The following KCNJ11 variants were observed in gnomAD, a reference collection of about 807,000 sequenced individuals.
KCNJ11 encodes the protein potassium inwardly rectifying channel subfamily J member 11, also known as ATP-sensitive inward rectifier potassium channel 11.
A neutral mutation model predicts 17.3 loss-of-function variants in KCNJ11; 12 were observed. That is an observed-to-expected ratio of 0.69 (90% CI 0.44 to 1.12). The LOEUF (loss-of-function observed/expected upper bound fraction) is 1.12, where lower values mean the gene tolerates loss of function less well. KCNJ11 is among the 50% of genes most tolerant of loss of function. KCNJ11 has a pLI of 0.00. For missense variants in KCNJ11, 386 were observed against 554.1 expected (o/e 0.70, Z 3.05); for synonymous variants, 211 against 223.4 (o/e 0.94, Z 0.50).
At position 17,387,043 on chromosome 11, in the gene KCNJ11, T is replaced by G; in HGVS notation, c.1049A>C (p.Asp350Ala). 1 of 1,614,222 alleles carries G rather than the reference T, an allele frequency of 6.2e-7. No homozygotes were observed. Among genetic ancestry groups the G allele is most frequent in the Non-Finnish European group, 8.5e-7 (1 of 1,180,028 alleles). Residue 350 changes from aspartate to alanine, a missense_variant, in exon 1 of 1, where the codon GAT becomes GCT. Physicochemically the swap from Asp to Ala is moderately radical, Grantham distance 126. Transcript: ENST00000339994. Reference protein sequence around the residue: ...PTPLCTARQLDEDHSLLEALT... With the variant: ...PTPLCTARQLAEDHSLLEALT... Reference sequence around the variant, plus strand: ...AGCTTCCAGTAGGCTGTGGTCCTCATCAAGCTGGCGGGCCGTGCAGAGTGG... The same window carrying G: ...AGCTTCCAGTAGGCTGTGGTCCTCAGCAAGCTGGCGGGCCGTGCAGAGTGG...
Position 17,386,611 on chromosome 11 carries a change from G to T in KCNJ11, c.*308C>A. 3.0e-6 allele frequency: 1 copy of T among 331,630 alleles called. No individual in the cohort carries two copies. Among genetic ancestry groups the T allele is most frequent in the Non-Finnish European group, 5.6e-6 (1 of 179,874 alleles). 20.5% of individuals were successfully genotyped at this position (331,630 alleles called of 1,614,324 possible). A position where few individuals can be genotyped will look rare whatever the true frequency, so the allele number is the denominator to read the frequency against. On this transcript the variant is annotated 3_prime_UTR_variant, in exon 1 of 1. Transcript: ENST00000339994. Reference sequence around the variant, plus strand: ...CCCAGAGTGTGGCTGGTCAATCGTGGGGACCCAGGACTGGCTGGACGCACA... The same window carrying T: ...CCCAGAGTGTGGCTGGTCAATCGTGTGGACCCAGGACTGGCTGGACGCACA...
In KCNJ11 at chr11:17,387,237, G is replaced by A. The variant is rs1953575340; in HGVS notation, c.855C>T (p.Val285=). 6.2e-7 allele frequency: 1 copy of A among 1,614,120 alleles called. No homozygotes were observed. Among genetic ancestry groups the A allele is most frequent in the African/African-American group, 1.3e-5 (1 of 74,940 alleles). The part of the protein sequence containing the change: ...LHHHQDLEII[V]ILEGVVETTG... ...TGGTTTCCACCACGCCTTCCAGGAT[G>A]ACGATGATCTCGAGGTCCTGGTGGT... Residue 285 remains valine (V), a synonymous_variant, in exon 1 of 1, where the codon GTC becomes GTT. Transcript: ENST00000339994.
In KCNJ11 at chr11:17,387,248, C is replaced by T. The variant is rs267607196; in HGVS notation, c.844G>A (p.Glu282Lys). The change falls in exon 1 of 1, where the codon GAG (glutamate) becomes AAG (lysine). Residue 282 changes from glutamate to lysine, a missense_variant. Glu to Lys is a moderately conservative substitution (Grantham distance 56). Coordinates refer to ENST00000339994, the MANE Select transcript of KCNJ11 (RefSeq NM_000525.4). Reference sequence around the variant, plus strand: ...ACGCCTTCCAGGATGACGATGATCTCGAGGTCCTGGTGGTGGTGCAGGTCG... The same window carrying T: ...ACGCCTTCCAGGATGACGATGATCTTGAGGTCCTGGTGGTGGTGCAGGTCG... ...PSDLHHHQDL[E>K]IIVILEGVVE... 9.9e-6 allele frequency: 16 copies of T among 1,614,178 alleles called. No homozygotes were observed. The highest frequency in any genetic ancestry group is 2.2e-5 in the East Asian group (1 of 44,878).
chr11:17,387,431 G>C lies in KCNJ11; in HGVS notation c.661C>G (p.Arg221Gly), dbSNP rs781450902. ...ISATIHMQVV[R>G]KTTSPEGEVV... ...TCGCCCTCGGGGCTGGTGGTCTTGC[G>C]TACCACCTGCATGTGGATGGTGGCG... Residue 221 changes from arginine to glycine, a missense_variant, in exon 1 of 1, where the codon CGC (arginine) becomes GGC (glycine). By Grantham distance (125) the Arg-to-Gly change is moderately radical. Transcript: ENST00000339994. 1 of 1,613,636 alleles carries C rather than the reference G, an allele frequency of 6.2e-7. No individual in the cohort carries two copies. Among genetic ancestry groups the C allele is most frequent in the Non-Finnish European group, 8.5e-7 (1 of 1,180,018 alleles).
Position 17,388,200 on chromosome 11 carries a change from C to T in KCNJ11, c.-109G>A. On this transcript the variant is annotated 5_prime_UTR_variant, in exon 1 of 1. Coordinates refer to ENST00000339994, the MANE Select transcript of KCNJ11 (RefSeq NM_000525.4). ...CGGTGGGCACCTTCTCACCCTGGGG[C>T]TGCACTCAGCCTGTGCTGGCCTCAC... is the stretch of plus-strand genomic sequence containing the variant. 1.1e-6 allele frequency: 1 copy of T among 922,232 alleles called. No homozygotes were observed. Among genetic ancestry groups the T allele is most frequent in the Non-Finnish European group, 1.7e-6 (1 of 596,350 alleles). The allele number at this position is 922,232 out of a possible 1,614,324, so 57.1% of individuals were successfully genotyped here.
rs745931687 is a variant in KCNJ11, at chr11:17,387,243, G to A, written c.849C>T (p.Ile283=). The A allele has an allele frequency of 2.5e-6, 4 of 1,614,114 alleles. No individual in the cohort carries two copies. Among genetic ancestry groups the A allele is most frequent in the Non-Finnish European group, 2.5e-6 (3 of 1,180,042 alleles). The change falls in exon 1 of 1, where the codon ATC becomes ATT. Residue 283 remains isoleucine, a synonymous_variant. Coordinates refer to ENST00000339994, the MANE Select transcript of KCNJ11 (RefSeq NM_000525.4). ...SDLHHHQDLE[I]IVILEGVVET... ...CCACCACGCCTTCCAGGATGACGAT[G>A]ATCTCGAGGTCCTGGTGGTGGTGCA...
Position 17,388,588 on chromosome 11 carries a change from A to G in KCNJ11, c.-497T>C, listed in dbSNP as rs1953602541. Reference sequence around the variant, plus strand: ...GAGCGAGACTCCGTCTCAAAAACAAAAAACAAAACAAAAAAAACAGCCTCA... The same window carrying G: ...GAGCGAGACTCCGTCTCAAAAACAAGAAACAAAACAAAAAAAACAGCCTCA... On this transcript the variant is annotated 5_prime_UTR_variant, in exon 1 of 1. Coordinates refer to ENST00000339994, the MANE Select transcript of KCNJ11 (RefSeq NM_000525.4). 3.4e-6 allele frequency: 1 copy of G among 290,818 alleles called. No individual in the cohort carries two copies. The highest frequency in any genetic ancestry group is 2.5e-5 in the South Asian group (1 of 39,226). 18.0% of individuals were successfully genotyped at this position (290,818 alleles called of 1,614,324 possible). A position where few individuals can be genotyped will look rare whatever the true frequency, so the allele number is the denominator to read the frequency against.
Position 17,387,516 on chromosome 11 carries a change from G to C in KCNJ11, c.576C>G (p.Arg192=). 6 of 1,612,038 alleles carry C rather than the reference G, an allele frequency of 3.7e-6. No homozygotes were observed. Among genetic ancestry groups the C allele is most frequent in the South Asian group, 1.1e-5 (1 of 91,042 alleles). Reference sequence around the variant, plus strand: ...GTAGCATGAAGCAGAGGCGGCCGTGGCGCAGGGCGATCACCGCATGCTTGC... The same window carrying C: ...GTAGCATGAAGCAGAGGCGGCCGTGCCGCAGGGCGATCACCGCATGCTTGC... ...IFSKHAVIAL[R]HGRLCFMLRV... The change falls in exon 1 of 1, where the codon CGC becomes CGG. Residue 192 remains arginine (R), a synonymous_variant. Transcript: ENST00000339994.
rs1953594180 is a variant in KCNJ11, at chr11:17,388,074, G to A, written c.18C>T (p.Gly6=). The change falls in exon 1 of 1, where the codon GGC becomes GGT. Residue 6 remains glycine (G), a synonymous_variant. Transcript: ENST00000339994. MLSRK[G]IIPEEYVLTR... ...TCAGCACGTATTCCTCGGGGATGAT[G>A]CCCTTGCGGGACAGCATGGCTCCGG... The A allele has an allele frequency of 6.2e-7, 1 of 1,610,936 alleles. No individual in the cohort carries two copies. Among genetic ancestry groups the A allele is most frequent in the African/African-American group, 1.3e-5 (1 of 74,942 alleles).
In KCNJ11 at chr11:17,388,326, A is replaced by T. The variant is rs1953598992; in HGVS notation, c.-235T>A. On this transcript the variant is annotated 5_prime_UTR_variant, in exon 1 of 1. Transcript: ENST00000339994. The stretch of plus-strand genomic sequence containing the variant: ...GCCGGGCGCGGTGGCTCACGCCTGT[A>T]ATCCCAGTACGTTGGGAGGCTGAGG... The T allele has an allele frequency of 1.7e-6, 1 of 572,854 alleles. No individual in the cohort carries two copies. The highest frequency in any genetic ancestry group is 3.2e-6 in the Non-Finnish European group (1 of 315,452). The allele number at this position is 572,854 out of a possible 1,614,324, so 35.5% of individuals were successfully genotyped here.
chr11:17,388,028 C>CAGGG lies in KCNJ11; in HGVS notation c.60_63dup (p.Ala22ProfsTer79). 1 of 1,613,652 alleles carries CAGGG rather than the reference C, an allele frequency of 6.2e-7. No individual in the cohort carries two copies. The highest frequency in any genetic ancestry group is 8.5e-7 in the Non-Finnish European group (1 of 1,180,002). ...TGGCGGGCACGGTACCTGGGCTTGG[C>CAGGG]AGGGTCCTCTGCCAGGCGTGTCAGC... On this transcript the variant is annotated frameshift_variant, in exon 1 of 1. Coordinates refer to ENST00000339994, the MANE Select transcript of KCNJ11 (RefSeq NM_000525.4).
In KCNJ11 at chr11:17,388,352, A is replaced by AG; in HGVS notation, c.-262dup. On this transcript the variant is annotated 5_prime_UTR_variant, in exon 1 of 1. Coordinates refer to ENST00000339994, the MANE Select transcript of KCNJ11 (RefSeq NM_000525.4). ...ATCCCAGTACGTTGGGAGGCTGAGG[A>AG]GGGCAGATCACTAGGTCAGGAGTTC... 1.9e-6 allele frequency: 1 copy of AG among 522,416 alleles called. No individual in the cohort carries two copies. The highest frequency in any genetic ancestry group is 3.5e-6 in the Non-Finnish European group (1 of 288,978). 32.4% of individuals were successfully genotyped at this position (522,416 alleles called of 1,614,324 possible).
At position 17,387,924 on chromosome 11, in the gene KCNJ11, C is replaced by A. The variant is rs1336022547; in HGVS notation, c.168G>T (p.Leu56=). 1 of 1,610,462 alleles carries A rather than the reference C, an allele frequency of 6.2e-7. No homozygotes were observed. The highest frequency in any genetic ancestry group is 1.1e-5 in the South Asian group (1 of 91,032). Reference sequence around the variant, plus strand: ...CCACCAGCGTGGTGAACACGTCCTGCAGGAAGCGGCCCTGCTCCCGGATGT... The same window carrying A: ...CCACCAGCGTGGTGAACACGTCCTGAAGGAAGCGGCCCTGCTCCCGGATGT... ...HKNIREQGRF[L]QDVFTTLVDL... is the part of the protein sequence containing the mutation. Residue 56 remains leucine (L), a synonymous_variant, in exon 1 of 1, where the codon CTG becomes CTT. Coordinates refer to ENST00000339994, the MANE Select transcript of KCNJ11 (RefSeq NM_000525.4).
rs1361179318 is a variant in KCNJ11, at chr11:17,385,577, C to G, written c.*1342G>C. On this transcript the variant is annotated 3_prime_UTR_variant, in exon 1 of 1. Coordinates refer to ENST00000339994, the MANE Select transcript of KCNJ11 (RefSeq NM_000525.4). ...ACCTCTCCCTGGGCACTCCAGCCTTCCAGCAGGTCCCTGGGAGTAGAGACA... is the reference window on the plus strand; with the variant it reads ...ACCTCTCCCTGGGCACTCCAGCCTTGCAGCAGGTCCCTGGGAGTAGAGACA... Among the ~76,000 whole-genome samples the G allele has an allele frequency of 6.6e-6, 1 of 152,240 alleles. No homozygotes were observed. Among genetic ancestry groups the G allele is most frequent in the African/African-American group, 2.4e-5 (1 of 41,462 alleles).
Position 17,386,830 on chromosome 11 carries a change from T to TGGCCCAGCCTCACACCA in KCNJ11, c.*72_*88dup. ...CAGCAGGGGGAGGCTGAGCTGAGGC[T>TGGCCCAGCCTCACACCA]GGCCCAGCCTCACACCAGGCCCTGG... On this transcript the variant is annotated 3_prime_UTR_variant, in exon 1 of 1. Coordinates refer to ENST00000339994, the MANE Select transcript of KCNJ11 (RefSeq NM_000525.4). The TGGCCCAGCCTCACACCA allele has an allele frequency of 8.4e-7, 1 of 1,190,000 alleles. No individual in the cohort carries two copies. Among genetic ancestry groups the TGGCCCAGCCTCACACCA allele is most frequent in the Non-Finnish European group, 1.2e-6 (1 of 844,730 alleles). The allele number at this position is 1,190,000 out of a possible 1,614,324, so 73.7% of individuals were successfully genotyped here. A position where few individuals can be genotyped will look rare whatever the true frequency, so the allele number is the denominator to read the frequency against.
Position 17,387,787 on chromosome 11 carries a change from G to C in KCNJ11, c.305C>G (p.Pro102Arg). 6.2e-7 allele frequency: 1 copy of C among 1,614,124 alleles called. No individual in the cohort carries two copies. The highest frequency in any genetic ancestry group is 8.5e-7 in the Non-Finnish European group (1 of 1,180,028). Residue 102 changes from proline (P) to arginine (R), a missense_variant, in exon 1 of 1, where the codon CCC becomes CGC. By Grantham distance (103) the Pro-to-Arg change is moderately radical. Coordinates refer to ENST00000339994, the MANE Select transcript of KCNJ11 (RefSeq NM_000525.4). ...ACAGGGCTCAGCAGTGCCCTCGCTG[G>C]GGGCCAGGTCACCGTGGGCGAAGGC... Reference protein sequence around the residue: ...LIAFAHGDLAPSEGTAEPCVT... With the variant: ...LIAFAHGDLARSEGTAEPCVT...
rs1490024562 is a variant in KCNJ11, at chr11:17,387,659, C to T, written c.433G>A (p.Ala145Thr). 1.2e-6 allele frequency: 2 copies of T among 1,614,014 alleles called. No individual in the cohort carries two copies. The highest frequency in any genetic ancestry group is 1.7e-6 in the Non-Finnish European group (2 of 1,180,012). The change falls in exon 1 of 1, where the codon GCC becomes ACC. Residue 145 changes from alanine (A) to threonine (T), a missense_variant. Transcript: ENST00000339994. ...TTCTGCACGATGAGGATCAGGATGG[C>T]CAGTGGGCACTCCTCAGTCACCATG... ...GRMVTEECPL[A>T]ILILIVQNIV...
At position 17,386,911 on chromosome 11, in the gene KCNJ11, A is replaced by T; in HGVS notation, c.*8T>A. 6.2e-7 allele frequency: 1 copy of T among 1,609,736 alleles called. No homozygotes were observed. The highest frequency in any genetic ancestry group is 8.5e-7 in the Non-Finnish European group (1 of 1,177,858). On this transcript the variant is annotated 3_prime_UTR_variant, in exon 1 of 1. Transcript: ENST00000339994. ...CACACGCGTGTGGGGGGCCCGAGAGACCATGGCTCAGGACAGGGAATCTGG... is the reference window on the plus strand; with the variant it reads ...CACACGCGTGTGGGGGGCCCGAGAGTCCATGGCTCAGGACAGGGAATCTGG...
chr11:17,387,651 C>T lies in KCNJ11; in HGVS notation c.441G>A (p.Leu147=). 6.2e-7 allele frequency: 1 copy of T among 1,614,040 alleles called. No homozygotes were observed. The highest frequency in any genetic ancestry group is 1.1e-5 in the South Asian group (1 of 91,084). Residue 147 remains leucine, a synonymous_variant, in exon 1 of 1, where the codon CTG becomes CTA. Coordinates refer to ENST00000339994, the MANE Select transcript of KCNJ11 (RefSeq NM_000525.4). ...MVTEECPLAI[L]ILIVQNIVGL... ...CCACGATGTTCTGCACGATGAGGATCAGGATGGCCAGTGGGCACTCCTCAG... is the reference window on the plus strand; with the variant it reads ...CCACGATGTTCTGCACGATGAGGATTAGGATGGCCAGTGGGCACTCCTCAG...
Sources: allele counts gnomAD v4.1 joint callset (sites outside exome capture counted in the v4.1 genomes callset), GRCh38; gene constraint gnomAD v4.1.1; transcripts MANE v1.5; gene names NCBI Gene and HGNC (gene_info 2026-07-23, HGNC 2026-07-21).